The following FBXL17 variants were observed in gnomAD, a reference collection of about 807,000 sequenced individuals.
FBXL17 encodes the protein F-box/LRR-repeat protein 17.
A neutral mutation model predicts 66.2 loss-of-function variants in FBXL17; 22 were observed. The ratio of observed to expected loss-of-function variants is 0.33; its 90% CI spans 0.24 to 0.47. The LOEUF (loss-of-function observed/expected upper bound fraction) is 0.47. FBXL17 is among the 20% of genes least tolerant of loss of function. The pLI is 1.00. For missense variants in FBXL17, 878 were observed against 948.2 expected (o/e 0.93, Z 0.97); for synonymous variants, 474 against 400.5 (o/e 1.18, Z -2.19).
intron 6 of FBXL17, among the ~76,000 whole-genome samples, chr5:108,071,213 A>C (rs1190211125): frequency 1.3e-5 from 2 of 152,212 alleles, no homozygotes; most frequent in Non-Finnish European, 2.9e-5. Context: ...TTGGTTGCCA[A>C]AATGTGCACT....
intron 3 of FBXL17, among the ~76,000 whole-genome samples, chr5:108,353,645 A>AGG (rs1373208559): frequency 1.3e-5 from 2 of 152,140 alleles, no homozygotes; most frequent in Non-Finnish European, 2.9e-5. Context: ...GTCAGAGCCT[A>AGG]ACCTTCCTAG....
At chr5:108,307,659 A>G (rs141709479) in intron 4 of FBXL17, among the ~76,000 whole-genome samples, 285 of 152,134 alleles carry the variant, frequency 1.9e-3, no homozygotes, top group African/African-American at 6.6e-3. Flanking sequence ...TTTAACATAT[A>G]TATTGCTATT....
intron 4 of FBXL17, among the ~76,000 whole-genome samples, chr5:108,293,238 C>T (rs952556336): frequency 1.3e-5 from 2 of 151,836 alleles, no homozygotes; most frequent in Non-Finnish European, 2.9e-5. Context: ...ATAAGGATTT[C>T]TCATTATAAA....
At chr5:107,907,936 C>A (rs1281725814) in intron 7 of FBXL17, among the ~76,000 whole-genome samples, 1 of 152,168 alleles carries the variant, frequency 6.6e-6, no homozygotes, top group Non-Finnish European at 1.5e-5. Context: ...CCAGCCATCC[C>A]ATTACTGGAT....
intron 6 of FBXL17, among the ~76,000 whole-genome samples, chr5:108,072,676 C>T (rs1371001700): frequency 6.6e-6 from 1 of 151,638 alleles, no homozygotes; most frequent in Non-Finnish European, 1.5e-5. Context: ...CCACTGCACT[C>T]CAGCCTGGGA....
At chr5:108,037,263 A>C (rs954206326) in intron 6 of FBXL17, among the ~76,000 whole-genome samples, 1 of 152,188 alleles carries the variant, frequency 6.6e-6, no homozygotes, top group Non-Finnish European at 1.5e-5. Context: ...TAATTTCAAG[A>C]AACTCATTTT....
intron 8 of FBXL17, chr5:107,880,762 T>G (rs971359564): frequency 7.6e-7 from 1 of 1,308,656 alleles, no homozygotes; most frequent in Non-Finnish European, 9.7e-7. Flanking sequence ...GACTTATGAA[T>G]AGGATGCCAA....
At chr5:108,029,213 ACTT>A (rs1754940288) in intron 6 of FBXL17, among the ~76,000 whole-genome samples, 1 of 152,122 alleles carries the variant, frequency 6.6e-6, no homozygotes, top group Non-Finnish European at 1.5e-5. Context: ...GATAGTCATG[ACTT>A]CTTGTTATTT....
Position 108,172,035 on chromosome 5 carries a change from G to C in FBXL17, c.1745+14082C>G, listed in dbSNP as rs545410910. On this transcript the variant is annotated intron_variant, in intron 6 of 8. Coordinates refer to ENST00000542267, the MANE Select transcript of FBXL17 (RefSeq NM_001163315.3). Reference sequence around the variant, plus strand: ...GAGGGCCCCAGCCACATGGAACTGAGAGTCCAATTAAGCCTCTTTCTTTTG... The same window carrying C: ...GAGGGCCCCAGCCACATGGAACTGACAGTCCAATTAAGCCTCTTTCTTTTG... Among the ~76,000 whole-genome samples the C allele has an allele frequency of 2.7e-4, 41 of 152,270 alleles. 3 individuals are homozygous for C. In the South Asian group the frequency reaches 7.5e-3, roughly 28 times the overall value.
intron 7 of FBXL17, among the ~76,000 whole-genome samples, chr5:107,933,150 A>G (rs1034049289): frequency 1.3e-5 from 2 of 152,188 alleles, no homozygotes; most frequent in Non-Finnish European, 2.9e-5. Context: ...AGGATATGCT[A>G]TAATCTATGC....
intron 4 of FBXL17, among the ~76,000 whole-genome samples, chr5:108,341,105 T>C (rs1194162835): frequency 1.3e-5 from 2 of 152,174 alleles, no homozygotes; most frequent in Non-Finnish European, 2.9e-5. Context: ...GCAATGTAAG[T>C]GTCCTTCAAT....
At position 108,381,928 on chromosome 5, in the gene FBXL17, G is replaced by GCGCGAGCTTTGGGGA. The variant is rs1253287974; in HGVS notation, c.-252_-238dup. Reference sequence around the variant, plus strand: ...CCCAGGGAAGCCGGGAGAACGATGGGCGCGAGCTTTGGGGACGCGAGGGAG... The same window carrying GCGCGAGCTTTGGGGA: ...CCCAGGGAAGCCGGGAGAACGATGGGCGCGAGCTTTGGGGACGCGAGCTTTGGGGACGCGAGGGAG... On this transcript the variant is annotated 5_prime_UTR_variant, in exon 1 of 9. Coordinates refer to ENST00000542267, the MANE Select transcript of FBXL17 (RefSeq NM_001163315.3). 5.6e-6 allele frequency: 7 copies of GCGCGAGCTTTGGGGA among 1,255,718 alleles called. No individual in the cohort carries two copies. In the Admixed American group the frequency reaches 2.5e-4, roughly 46 times the overall value. The allele number at this position is 1,255,718 out of a possible 1,614,324, so 77.8% of individuals were successfully genotyped here.
chr5:107,941,461 C>T (rs899973746), intron 7 of FBXL17, among the ~76,000 whole-genome samples: 5 of 152,304 alleles, frequency 3.3e-5, no homozygotes, highest in Non-Finnish European at 7.4e-5. Context: ...TTCCAACCCT[C>T]GGGTAGAATG....
chr5:108,108,980 TC>T (rs1749924610), intron 6 of FBXL17, among the ~76,000 whole-genome samples: 1 of 151,970 alleles, frequency 6.6e-6, no homozygotes, highest in Non-Finnish European at 1.5e-5. Context: ...GATGGGGTTC[TC>T]CATGTTGGTC....
At chr5:108,253,814 G>C (rs1054023313) in intron 4 of FBXL17, among the ~76,000 whole-genome samples, 2 of 152,088 alleles carry the variant, frequency 1.3e-5, no homozygotes, top group Non-Finnish European at 2.9e-5. Context: ...GCAACAAGGT[G>C]AAACCCCATC....
At position 107,924,207 on chromosome 5, in the gene FBXL17, G is replaced by A. The variant is rs999249712; in HGVS notation, c.1823-43028C>T. Among the ~76,000 whole-genome samples, 6 of 152,006 alleles carry A rather than the reference G, an allele frequency of 3.9e-5. No individual in the cohort carries two copies. The East Asian group carries it at 9.7e-4, about 25-fold the overall frequency. On this transcript the variant is annotated intron_variant, in intron 7 of 8. Coordinates refer to ENST00000542267, the MANE Select transcript of FBXL17 (RefSeq NM_001163315.3). ...ACTTTGCAAGACTTGTCTTCTGAGAGCGTTCCTTTCAGACCTTAGCTTGCA... is the reference window on the plus strand; with the variant it reads ...ACTTTGCAAGACTTGTCTTCTGAGAACGTTCCTTTCAGACCTTAGCTTGCA...
intron 7 of FBXL17, among the ~76,000 whole-genome samples, chr5:107,896,973 A>G (rs192541488): frequency 5.7e-4 from 87 of 152,262 alleles, no homozygotes; most frequent in African/African-American, 1.8e-3. Context: ...TTAAGAAAAA[A>G]GTGAAGTCAT....
intron 7 of FBXL17, among the ~76,000 whole-genome samples, chr5:107,894,925 T>G (rs1251610394): frequency 6.6e-6 from 1 of 152,114 alleles, no homozygotes; most frequent in Admixed American, 6.6e-5. Context: ...ATTTAAAAAA[T>G]TCTGCACTTT....
At chr5:107,878,981 C>T (rs1748697484) in intron 8 of FBXL17, 1 of 985,440 alleles carries the variant, frequency 1.0e-6, no homozygotes, top group South Asian at 4.7e-5. Flanking sequence ...AGGGCTAAAA[C>T]CCTCAGGGAT....
Sources: gnomAD v4.1 joint callset for allele counts (sites outside exome capture counted in the v4.1 genomes callset) on GRCh38, gnomAD v4.1.1 for gene constraint, MANE v1.5 for transcripts, NCBI Gene and HGNC (gene_info 2026-07-23, HGNC 2026-07-21) for gene names.